The following JAM3 variants were observed in gnomAD, a reference collection of about 807,000 sequenced individuals.
JAM3 encodes the protein junctional adhesion molecule 3.
JAM3 carries 31 observed loss-of-function variants against 39.4 expected under a neutral mutation model. The ratio of observed to expected loss-of-function variants is 0.79; its 90% CI spans 0.59 to 1.06. The LOEUF (loss-of-function observed/expected upper bound fraction) is 1.06, where lower values mean the gene tolerates loss of function less well. Ranked by LOEUF, JAM3 falls within the 50% of genes least tolerant of loss-of-function variation. The pLI is 0.00. For missense variants in JAM3, 455 were observed against 391.4 expected, an observed-to-expected ratio of 1.16 and a Z score of -1.37; for synonymous variants, 182 against 148.7, an observed-to-expected ratio of 1.22 and a Z score of -1.63.
intron 1 of JAM3, among the ~76,000 whole-genome samples, chr11:134,128,326 C>G (rs1216620252): frequency 6.6e-6 from 1 of 152,198 alleles, no homozygotes; most frequent in African/African-American, 2.4e-5. Flanking sequence ...TCTCTCTGAG[C>G]TGGGATTAAA....
At position 134,149,554 on chromosome 11, in the gene JAM3, G is replaced by A. The variant is rs548700662; in HGVS notation, c.*373G>A. 1 of 486,146 alleles carries A rather than the reference G, an allele frequency of 2.1e-6. No individual in the cohort carries two copies. Among genetic ancestry groups the A allele is most frequent in the Non-Finnish European group, 4.0e-6 (1 of 247,398 alleles). 30.1% of individuals were successfully genotyped at this position (486,146 alleles called of 1,614,324 possible). On this transcript the variant is annotated 3_prime_UTR_variant, in exon 9 of 9. Coordinates refer to ENST00000299106, the MANE Select transcript of JAM3 (RefSeq NM_032801.5). ...CATGTTCACCACTGGTCGTTCAGCA[G>A]CCACGACAGCACCATGTGAGATGGC...
intron 3 of JAM3, 26 bp from the exon 4 acceptor site, chr11:134,144,215 T>G: frequency 6.2e-7 from 1 of 1,614,012 alleles, no homozygotes; most frequent in South Asian, 1.1e-5. Flanking sequence ...AAAGAAGTTT[T>G]TTAGTGCCTC....
chr11:134,122,095 A>T (rs1463171718), intron 1 of JAM3, among the ~76,000 whole-genome samples: 1 of 152,182 alleles, frequency 6.6e-6, no homozygotes, highest in African/African-American at 2.4e-5. Context: ...GTTTTCTGGG[A>T]TGGGAGAAGA....
chr11:134,143,485 C>G (rs1244894148), intron 3 of JAM3, among the ~76,000 whole-genome samples: 1 of 152,232 alleles, frequency 6.6e-6, no homozygotes, highest in Non-Finnish European at 1.5e-5. Context: ...CCTCCCACCT[C>G]AGCCTTCTGA....
At chr11:134,078,294 A>AT in intron 1 of JAM3, among the ~76,000 whole-genome samples, 1 of 151,740 alleles carries the variant, frequency 6.6e-6, no homozygotes, top group South Asian at 2.1e-4. Context: ...TAATTTTTGT[A>AT]TTTTTAGTAG....
intron 5 of JAM3, chr11:134,145,258 C>G: frequency 1.8e-6 from 1 of 542,008 alleles, no homozygotes; most frequent in Non-Finnish European, 3.3e-6. Context: ...GGGCCCTGAT[C>G]GGATAATCAA....
At chr11:134,115,224 T>C (rs1204118728) in intron 1 of JAM3, among the ~76,000 whole-genome samples, 2 of 152,216 alleles carry the variant, frequency 1.3e-5, no homozygotes. Context: ...TAGTGTTAAC[T>C]TAGTATATCT....
chr11:134,106,746 G>A (rs941307491), intron 1 of JAM3, among the ~76,000 whole-genome samples: 7 of 152,170 alleles, frequency 4.6e-5, no homozygotes, highest in Non-Finnish European at 8.8e-5. Flanking sequence ...CATCATCACT[G>A]GCCATCAGAT....
At chr11:134,091,320 C>T (rs185358312) in intron 1 of JAM3, among the ~76,000 whole-genome samples, 1 of 152,026 alleles carries the variant, frequency 6.6e-6, no homozygotes, top group African/African-American at 2.4e-5. Flanking sequence ...ACTGTGAAAC[C>T]CTGTCTCTAC....
At chr11:134,069,559 C>G (rs1941454165) in intron 1 of JAM3, among the ~76,000 whole-genome samples, 1 of 151,728 alleles carries the variant, frequency 6.6e-6, no homozygotes, top group African/African-American at 2.4e-5. Context: ...GGGCTCATCC[C>G]CCGGGTGGGC....
chr11:134,098,539 C>A (rs1591780517), intron 1 of JAM3, among the ~76,000 whole-genome samples: 1 of 152,074 alleles, frequency 6.6e-6, no homozygotes, highest in African/African-American at 2.4e-5. Context: ...AGTGTCGGGG[C>A]AAGTATAGAT....
rs933611068 is a variant in JAM3, at chr11:134,151,809, G to T, written c.*2628G>T. On this transcript the variant is annotated 3_prime_UTR_variant, in exon 9 of 9. Transcript: ENST00000299106. ...ACGTTGGGTTTGTCTCTTCTTCCTA[G>T]CATTTCAGTGGTTAGGCATGCACAC... 6 of 152,030 alleles carry T rather than the reference G, an allele frequency of 3.9e-5. No individual in the cohort carries two copies. In the East Asian group the frequency reaches 1.2e-3, roughly 30 times the overall value. 9.4% of individuals were successfully genotyped at this position (152,030 alleles called of 1,614,324 possible).
intron 1 of JAM3, among the ~76,000 whole-genome samples, chr11:134,070,636 TCACACTGA>T (rs1250088553): frequency 6.6e-6 from 1 of 152,234 alleles, no homozygotes; most frequent in Non-Finnish European, 1.5e-5. Context: ...GCTGTGTTGG[TCACACTGA>T]CACTGTCCTA....
chr11:134,116,984 G>A (rs1158354614), intron 1 of JAM3, among the ~76,000 whole-genome samples: 2 of 151,672 alleles, frequency 1.3e-5, no homozygotes, highest in East Asian at 3.9e-4. Flanking sequence ...CCAAGACAAG[G>A]ATATCTGCTC....
At chr11:134,130,595 C>T (rs1301576386) in intron 1 of JAM3, among the ~76,000 whole-genome samples, 5 of 152,090 alleles carry the variant, frequency 3.3e-5, no homozygotes, top group African/African-American at 7.2e-5. Context: ...ATCAGTCAAA[C>T]GAAGATTATA....
chr11:134,145,002 C>A lies in JAM3; in HGVS notation c.612+8C>A, dbSNP rs78756248. The A allele has an allele frequency of 4.9e-4, 789 of 1,603,316 alleles. 9 individuals carry two copies. In the East Asian group the frequency reaches 0.016, roughly 32 times the overall value. On this transcript the variant is annotated splice_region_variant and intron_variant, in intron 5 of 8. Coordinates refer to ENST00000299106, the MANE Select transcript of JAM3 (RefSeq NM_032801.5). ...TCTGAAACAGGCACTTTGGTAAGAT[C>A]TCTTCTAAGAGGTGAGGATGGAGAT...
At chr11:134,122,046 A>G (rs1253426545) in intron 1 of JAM3, among the ~76,000 whole-genome samples, 2 of 152,188 alleles carry the variant, frequency 1.3e-5, no homozygotes, top group East Asian at 1.9e-4. Context: ...TTTTACTTTT[A>G]AGTCCCAGAA....
chr11:134,123,916 A>G, intron 1 of JAM3: 1 of 1,162,466 alleles, frequency 8.6e-7, no homozygotes, highest in South Asian at 1.2e-5. Flanking sequence ...TTGGAATTGA[A>G]GGCCCCCCTT....
intron 1 of JAM3, among the ~76,000 whole-genome samples, chr11:134,138,316 G>A (rs74788379): frequency 0.045 from 2,927 of 64,966 alleles, 500 homozygotes; most frequent in East Asian, 0.22. Context: ...AGCCAGTGGT[G>A]GCGTCTGGTC....
Sources: gnomAD v4.1 joint callset for allele counts (sites outside exome capture counted in the v4.1 genomes callset) on GRCh38, gnomAD v4.1.1 for gene constraint, MANE v1.5 for transcripts, NCBI Gene and HGNC (gene_info 2026-07-23, HGNC 2026-07-21) for gene names.